DMTN: variants seen among roughly 807,000 people sequenced by gnomAD.
DMTN encodes the protein dematin actin binding protein, also known as dematin.
Under a neutral mutation model 59.4 loss-of-function variants are expected in DMTN, and 27 were observed. The observed-to-expected ratio is 0.45, with a 90% CI of 0.33 to 0.63. DMTN has a LOEUF of 0.63. Among genes scored for constraint, DMTN ranks in the 20% least tolerant of loss-of-function variants. The pLI is 0.02. For missense variants in DMTN, 451 were observed against 528.9 expected, an observed-to-expected ratio of 0.85 and a Z score of 1.45; for synonymous variants, 221 against 203.7, an observed-to-expected ratio of 1.08 and a Z score of -0.72.
At chr8:22,072,631 A>ATTTT (rs61068593) in intron 9 of DMTN, among the ~76,000 whole-genome samples, 181 bp downstream of exon 9, 76,096 of 130,610 alleles carry the variant, frequency 0.58, 24,503 homozygotes, top group East Asian at 0.82. Context: ...CGCCCAGCTA[A>ATTTT]TTTTTTTTTT....
chr8:22,072,631 A>ATTTTTTTTTTT (rs61068593), intron 9 of DMTN, among the ~76,000 whole-genome samples, 181 bp downstream of exon 9: 2 of 130,798 alleles, frequency 1.5e-5, no homozygotes, highest in African/African-American at 2.9e-5. Flanking sequence ...CGCCCAGCTA[A>ATTTTTTTTTTT]TTTTTTTTTT....
In DMTN at chr8:22,081,968, T is replaced by G; in HGVS notation, c.*505T>G. On this transcript the variant is annotated 3_prime_UTR_variant, in exon 16 of 16. Coordinates refer to ENST00000358242, the MANE Select transcript of DMTN (RefSeq NM_001387751.1). ...AGTGGGAACAGGCCCCAGCTCAGCCTCCGGCAGGGAGGTCACCCCTCCACT... is the reference window on the plus strand; with the variant it reads ...AGTGGGAACAGGCCCCAGCTCAGCCGCCGGCAGGGAGGTCACCCCTCCACT... The G allele has an allele frequency of 2.2e-6, 1 of 451,760 alleles. No homozygotes were observed. The highest frequency in any genetic ancestry group is 4.4e-6 in the Non-Finnish European group (1 of 226,134). The allele number at this position is 451,760 out of a possible 1,614,324, so 28.0% of individuals were successfully genotyped here.
intron 8 of DMTN, among the ~76,000 whole-genome samples, chr8:22,071,461 C>G (rs1255916492): frequency 2.0e-5 from 3 of 152,040 alleles, no homozygotes; most frequent in African/African-American, 7.3e-5. Flanking sequence ...GTGGCGAGAT[C>G]TCGGCTCACT....
At chr8:22,066,955 G>C in intron 2 of DMTN, 62 bp downstream of exon 2, 2 of 1,246,390 alleles carry the variant, frequency 1.6e-6, no homozygotes, top group South Asian at 6.5e-5. Flanking sequence ...TGGGAGTCCA[G>C]GGCGCCACCT....
intron 8 of DMTN, among the ~76,000 whole-genome samples, chr8:22,071,301 T>C (rs1815282884): frequency 6.6e-6 from 1 of 151,224 alleles, no homozygotes; most frequent in Non-Finnish European, 1.5e-5. Context: ...TTTCATTATG[T>C]TGGCCAGGCT....
At position 22,060,296 on chromosome 8, in the gene DMTN, G is replaced by A. The variant is rs571984264; in HGVS notation, c.-172+3160G>A. ...GGATGGGAGGAGGTGGAGTGAGCTGGCACTTGACCTGCGAGAAATGAGCTT... is the reference window on the plus strand; with the variant it reads ...GGATGGGAGGAGGTGGAGTGAGCTGACACTTGACCTGCGAGAAATGAGCTT... On this transcript the variant is annotated intron_variant, in intron 1 of 15. Coordinates refer to ENST00000358242, the MANE Select transcript of DMTN (RefSeq NM_001387751.1). The surrounding 1 kb of genome is among the most constrained non-coding windows in gnomAD (Gnocchi z 5.0). Among the ~76,000 whole-genome samples the A allele has an allele frequency of 9.9e-5, 15 of 152,258 alleles. No homozygotes were observed. In the East Asian group the frequency reaches 1.9e-3, roughly 20 times the overall value.
rs1381979547 is a variant in DMTN at position 22,073,753 on chromosome 8, G to A, written c.753G>A (p.Met251Ile). 17 of 1,612,706 alleles carry A rather than the reference G, an allele frequency of 1.1e-5. No individual in the cohort carries two copies. Among genetic ancestry groups the A allele is most frequent in the Non-Finnish European group, 1.4e-5 (16 of 1,179,234 alleles). Reference sequence around the variant, plus strand: ...AGGTTACTTCCAACTTGGGAAAGATGATCTTGAAAGAAGAGATGGAAAAGT... The same window carrying A: ...AGGTTACTTCCAACTTGGGAAAGATAATCTTGAAAGAAGAGATGGAAAAGT... ...LSKVTSNLGK[M>I]ILKEEMEKSL... The change falls in exon 10 of 16, where the codon ATG (methionine) becomes ATA (isoleucine). Residue 251 changes from methionine (M) to isoleucine (I), a missense_variant. Met to Ile is a conservative substitution (Grantham distance 10, BLOSUM62 1). Coordinates refer to ENST00000358242, the MANE Select transcript of DMTN (RefSeq NM_001387751.1).
chr8:22,067,772 G>A, intron 4 of DMTN, 90 bp downstream of exon 4: 1 of 1,489,640 alleles, frequency 6.7e-7, no homozygotes, highest in South Asian at 1.2e-5. Flanking sequence ...TTCCTTTCCT[G>A]GAGGTCTGCC....
At chr8:22,055,744 C>T (rs536235152), upstream of DMTN, among the ~76,000 whole-genome samples, 1 of 152,172 alleles carries the variant, frequency 6.6e-6, no homozygotes, top group East Asian at 1.9e-4. Context: ...CTCTGGAGCC[C>T]ATCCCTCAGG....
intron 10 of DMTN, among the ~76,000 whole-genome samples, chr8:22,075,135 C>T (rs535812864): frequency 4.1e-5 from 6 of 146,754 alleles, no homozygotes; most frequent in African/African-American, 1.0e-4. Flanking sequence ...TGCAGTGAGT[C>T]GAGATGGAGC....
chr8:22,065,653 G>A (rs1166686934), intron 1 of DMTN, among the ~76,000 whole-genome samples: 1 of 151,960 alleles, frequency 6.6e-6, no homozygotes, highest in Non-Finnish European at 1.5e-5. Flanking sequence ...GACCAGCCTG[G>A]CCGATATGGT....
intron 8 of DMTN, among the ~76,000 whole-genome samples, chr8:22,071,736 C>G (rs1455221610): frequency 6.6e-6 from 1 of 152,048 alleles, no homozygotes; most frequent in Non-Finnish European, 1.5e-5. Context: ...CCCGCCACCA[C>G]GCCCAGCTAA....
chr8:22,069,365 T>C (rs1457152939), intron 5 of DMTN, 54 bp from the exon 6 acceptor site: 1 of 1,462,572 alleles, frequency 6.8e-7, no homozygotes, highest in African/African-American at 1.4e-5. Flanking sequence ...ATGGGGTGCA[T>C]GTGTGGGTTG....
chr8:22,080,161 A>G lies in DMTN; in HGVS notation c.836-19A>G, dbSNP rs1438308696. 1.2e-6 allele frequency: 2 copies of G among 1,613,932 alleles called. No individual in the cohort carries two copies. Among genetic ancestry groups the G allele is most frequent in the Non-Finnish European group, 1.7e-6 (2 of 1,179,908 alleles). On this transcript the variant is annotated intron_variant, in intron 10 of 15. Coordinates refer to ENST00000358242, the MANE Select transcript of DMTN (RefSeq NM_001387751.1). The stretch of plus-strand genomic sequence containing the variant: ...CAGGGCCAAAGGGACTGAACTCAGG[A>G]CCTTTTGCTGTCTTCCAGCCTTGCA...
At chr8:22,080,498 G>C (rs1823434592) in intron 12 of DMTN, 38 bp downstream of exon 12, 1 of 1,614,222 alleles carries the variant, frequency 6.2e-7, no homozygotes, top group Non-Finnish European at 8.5e-7. Context: ...CTGGAGAAGG[G>C]GCTTACACAG....
upstream of DMTN, chr8:22,053,610 G>A: frequency 6.5e-6 from 1 of 152,838 alleles, no homozygotes; most frequent in Non-Finnish European, 1.5e-5. Flanking sequence ...GGAGGAGGCA[G>A]CAGGGCCGGA....
intron 1 of DMTN, among the ~76,000 whole-genome samples, chr8:22,063,907 G>A (rs1239345723): frequency 6.6e-6 from 1 of 152,196 alleles, no homozygotes; most frequent in Non-Finnish European, 1.5e-5. Flanking sequence ...TAGCTCCTCT[G>A]ACTCATCTTT....
At chr8:22,052,471 G>A (rs1801450464), upstream of DMTN, among the ~76,000 whole-genome samples, 1 of 152,042 alleles carries the variant, frequency 6.6e-6, no homozygotes, top group Admixed American at 6.5e-5. Flanking sequence ...GTGGGGCGGG[G>A]GCTTAAGCAG....
intron 10 of DMTN, among the ~76,000 whole-genome samples, chr8:22,076,587 T>C (rs1255345551): frequency 6.6e-6 from 1 of 151,822 alleles, no homozygotes; most frequent in Non-Finnish European, 1.5e-5. Context: ...TATATATATG[T>C]ATATATGTGT....
Sources: gnomAD v4.1 joint callset for allele counts (sites outside exome capture counted in the v4.1 genomes callset) on GRCh38, gnomAD v4.1.1 for gene constraint, Gnocchi (gnomAD v3.1) non-coding constraint, MANE v1.5 for transcripts, NCBI Gene and HGNC (gene_info 2026-07-23, HGNC 2026-07-21) for gene names.